The following EPHB1 variants were observed in gnomAD, a reference collection of about 807,000 sequenced individuals.
EPHB1 encodes ephrin type-B receptor 1.
A neutral mutation model predicts 94.4 loss-of-function variants in EPHB1; 30 were observed. That is an observed-to-expected ratio of 0.32 (90% CI 0.24 to 0.43). The LOEUF is 0.43. Among genes scored for constraint, EPHB1 ranks in the 20% least tolerant of loss-of-function variants. The pLI is 1.00. For missense variants in EPHB1, 1,055 were observed against 1,308.3 expected, an observed-to-expected ratio of 0.81 and a Z score of 2.99; for synonymous variants, 522 against 489.1, an observed-to-expected ratio of 1.07 and a Z score of -0.89.
chr3:135,142,837 G>A (rs7373413), intron 5 of EPHB1, among the ~76,000 whole-genome samples: 74,487 of 151,778 alleles, frequency 0.49, 18,461 homozygotes, highest in East Asian at 0.59. Context: ...TCATGCCTCC[G>A]ATGAATGGGG....
At chr3:134,966,263 G>A (rs1014028597) in intron 3 of EPHB1, among the ~76,000 whole-genome samples, 1 of 152,218 alleles carries the variant, frequency 6.6e-6, no homozygotes, top group Non-Finnish European at 1.5e-5. Context: ...GCCAGCCCCC[G>A]TGCAAATCAG....
At chr3:134,932,959 G>A (rs1384178237) in intron 2 of EPHB1, among the ~76,000 whole-genome samples, 8 of 152,204 alleles carry the variant, frequency 5.3e-5, no homozygotes, top group Non-Finnish European at 1.2e-4. Context: ...CTTTGGACCT[G>A]ATCGCGGATT....
intron 1 of EPHB1, among the ~76,000 whole-genome samples, chr3:134,918,084 G>A (rs2038608521): frequency 6.6e-6 from 1 of 152,232 alleles, no homozygotes; most frequent in Non-Finnish European, 1.5e-5. Flanking sequence ...ACCAAGCTCT[G>A]TGGGACAGAA....
At chr3:134,849,540 C>T (rs976904499) in intron 1 of EPHB1, among the ~76,000 whole-genome samples, 2 of 152,106 alleles carry the variant, frequency 1.3e-5, no homozygotes, top group Non-Finnish European at 2.9e-5. Flanking sequence ...CGAGCATTTG[C>T]AGTTGAGATG....
intron 3 of EPHB1, among the ~76,000 whole-genome samples, chr3:135,054,190 G>A (rs1235444849): frequency 6.6e-6 from 1 of 151,862 alleles, no homozygotes; most frequent in Non-Finnish European, 1.5e-5. Flanking sequence ...TCAGTTGAAA[G>A]CCTCAAATTA....
intron 1 of EPHB1, among the ~76,000 whole-genome samples, chr3:134,846,466 C>T (rs557838169): frequency 3.9e-5 from 6 of 152,306 alleles, no homozygotes; most frequent in African/African-American, 1.2e-4. Flanking sequence ...AAGAGCATCG[C>T]GTGGGTGCTC....
intron 10 of EPHB1, among the ~76,000 whole-genome samples, chr3:135,188,914 T>G (rs1200771119): frequency 1.3e-5 from 2 of 152,206 alleles, no homozygotes; most frequent in African/African-American, 2.4e-5. Flanking sequence ...TTACAGAATT[T>G]CCATTCTTTA....
At chr3:134,863,468 G>A (rs751534865) in intron 1 of EPHB1, among the ~76,000 whole-genome samples, 3 of 152,176 alleles carry the variant, frequency 2.0e-5, no homozygotes, top group South Asian at 2.1e-4. Flanking sequence ...CCTCATGTGC[G>A]CTTTCTTTCA....
In EPHB1 at chr3:135,015,152, T is replaced by C. The variant is rs556525662; in HGVS notation, c.805+63100T>C. ...CAACTGCCCTCTTGCCTTTTGCTCATGGAGTCTGACTACATCCTTCTGTGG... is the reference window on the plus strand; with the variant it reads ...CAACTGCCCTCTTGCCTTTTGCTCACGGAGTCTGACTACATCCTTCTGTGG... On this transcript the variant is annotated intron_variant, in intron 3 of 15. Transcript: ENST00000398015. Among the ~76,000 whole-genome samples the C allele has an allele frequency of 1.1e-4, 16 of 152,248 alleles. 1 individual carries two copies. The highest frequency in any genetic ancestry group is 3.4e-4 in the African/African-American group (14 of 41,540).
At chr3:134,866,940 C>A (rs1473741406) in intron 1 of EPHB1, among the ~76,000 whole-genome samples, 2 of 152,160 alleles carry the variant, frequency 1.3e-5, no homozygotes, top group Non-Finnish European at 2.9e-5. Flanking sequence ...CCTCAGAAGG[C>A]CTTTGTTAAG....
At chr3:135,025,637 A>G (rs548210375) in intron 3 of EPHB1, among the ~76,000 whole-genome samples, 3,611 of 50,370 alleles carry the variant, frequency 0.072, 999 homozygotes, top group African/African-American at 0.17. Context: ...GTTGGTTCCA[A>G]GTCTTTGCTA....
chr3:135,012,423 A>G (rs1418393862), intron 3 of EPHB1, among the ~76,000 whole-genome samples: 1 of 152,230 alleles, frequency 6.6e-6, no homozygotes, highest in African/African-American at 2.4e-5. Flanking sequence ...GCTTGTACAC[A>G]CACACTTAGA....
chr3:135,202,049 C>A (rs117204145), intron 12 of EPHB1, among the ~76,000 whole-genome samples: 4 of 152,238 alleles, frequency 2.6e-5, no homozygotes, highest in South Asian at 2.1e-4. Flanking sequence ...ATGCATGAGG[C>A]CTTCAGTCTG....
At chr3:134,908,022 C>T (rs976677569) in intron 1 of EPHB1, among the ~76,000 whole-genome samples, 3 of 152,230 alleles carry the variant, frequency 2.0e-5, no homozygotes. Context: ...AGCTGGTAGC[C>T]AGGCTAGGGT....
intron 1 of EPHB1, among the ~76,000 whole-genome samples, chr3:134,846,579 CCTT>C (rs1167317360): frequency 1.3e-5 from 2 of 152,160 alleles, no homozygotes; most frequent in Admixed American, 6.5e-5. Context: ...GGCTTTTCCC[CCTT>C]CTTCTCCACG....
chr3:135,196,097 A>T (rs1310382233), intron 11 of EPHB1, among the ~76,000 whole-genome samples: 1 of 149,894 alleles, frequency 6.7e-6, no homozygotes, highest in African/African-American at 2.5e-5. Flanking sequence ...GATGATGAGC[A>T]TTTTTTCATG....
chr3:134,806,471 C>T (rs1290891563), intron 1 of EPHB1, among the ~76,000 whole-genome samples: 1 of 152,208 alleles, frequency 6.6e-6, no homozygotes, highest in Non-Finnish European at 1.5e-5. Context: ...GCAACCCCAT[C>T]CTTCCAGGCA....
intron 3 of EPHB1, among the ~76,000 whole-genome samples, chr3:134,985,031 G>T (rs541912141): frequency 6.6e-6 from 1 of 152,148 alleles, no homozygotes; most frequent in Non-Finnish European, 1.5e-5. Context: ...AAGGTTTTCC[G>T]TTGAGTACTT....
At chr3:135,013,742 C>A (rs191632431) in intron 3 of EPHB1, among the ~76,000 whole-genome samples, 47 of 152,338 alleles carry the variant, frequency 3.1e-4, no homozygotes, top group Non-Finnish European at 6.5e-4. Context: ...TAACCAGAGG[C>A]TAAAGTTACA....
Sources: gnomAD v4.1 joint callset for allele counts (sites outside exome capture counted in the v4.1 genomes callset) on GRCh38, gnomAD v4.1.1 for gene constraint, MANE v1.5 for transcripts, NCBI Gene and HGNC (gene_info 2026-07-23, HGNC 2026-07-21) for gene names.